ARHGAP8: variants seen among roughly 807,000 people sequenced by gnomAD.
ARHGAP8 encodes the protein rho GTPase-activating protein 8.
Under a neutral mutation model 46.1 loss-of-function variants are expected in ARHGAP8, and 62 were observed. The ratio of observed to expected loss-of-function variants is 1.34; its 90% CI spans 1.10 to 1.66. The LOEUF (loss-of-function observed/expected upper bound fraction) is 1.66. Ranked by LOEUF, ARHGAP8 falls within the 40% of genes most tolerant of loss-of-function variation. ARHGAP8 has a pLI of 0.00. For missense variants in ARHGAP8, 923 were observed against 568.4 expected (o/e 1.62, Z -6.34); for synonymous variants, 375 against 243.1 (o/e 1.54, Z -5.05).
chr22:44,816,931 G>T (rs1380976968), intron 5 of ARHGAP8, among the ~76,000 whole-genome samples: 2 of 146,612 alleles, frequency 1.4e-5, no homozygotes, highest in African/African-American at 5.2e-5. Context: ...TGTCCCCCAG[G>T]CTGGAGTGCA....
chr22:44,818,199 A>G (rs111911737), intron 5 of ARHGAP8, among the ~76,000 whole-genome samples: 10 of 152,284 alleles, frequency 6.6e-5, no homozygotes, highest in African/African-American at 2.2e-4. Flanking sequence ...CTGTAATCCC[A>G]GCACTTTGGG....
At chr22:44,766,539 TGTGTCTGCATGTGGGCATGC>T (rs1473987783) in intron 1 of ARHGAP8, among the ~76,000 whole-genome samples, 23 of 152,230 alleles carry the variant, frequency 1.5e-4, no homozygotes, top group African/African-American at 5.3e-4. Flanking sequence ...TGTAGGCATG[TGTGTCTGCATGTGGGCATGC>T]GTGTCTGGGT....
intron 2 of ARHGAP8, among the ~76,000 whole-genome samples, chr22:44,789,940 C>A (rs981656025): frequency 2.0e-5 from 3 of 152,202 alleles, no homozygotes; most frequent in Non-Finnish European, 2.9e-5. Flanking sequence ...TCCTTTCAGT[C>A]TGTCTCAGTC....
At chr22:44,833,739 T>A (rs1357472536) in intron 7 of ARHGAP8, among the ~76,000 whole-genome samples, 1 of 152,198 alleles carries the variant, frequency 6.6e-6, no homozygotes, top group Non-Finnish European at 1.5e-5. Context: ...TTAGAGTTAA[T>A]TTGTTAAACA....
intron 1 of ARHGAP8, among the ~76,000 whole-genome samples, chr22:44,760,958 G>C (rs1196223640): frequency 6.6e-6 from 1 of 152,214 alleles, no homozygotes; most frequent in African/African-American, 2.4e-5. Flanking sequence ...CTCACATGCA[G>C]GGCGAGGCAG....
chr22:44,762,871 G>A (rs1391800696), intron 1 of ARHGAP8, among the ~76,000 whole-genome samples: 1 of 152,082 alleles, frequency 6.6e-6, no homozygotes, highest in African/African-American at 2.4e-5. Context: ...CCGTACCTGA[G>A]TTTGTACTGT....
At chr22:44,845,476 TC>T in intron 8 of ARHGAP8, 134 bp downstream of exon 8, 1 of 1,227,488 alleles carries the variant, frequency 8.1e-7, no homozygotes, top group Non-Finnish European at 1.1e-6. Context: ...GCACAGTGGC[TC>T]CAGGTCTGGG....
chr22:44,803,065 GGATA>G (rs1364677399), intron 3 of ARHGAP8, among the ~76,000 whole-genome samples: 1 of 152,148 alleles, frequency 6.6e-6, no homozygotes, highest in East Asian at 1.9e-4. Context: ...GTGAGACTTT[GGATA>G]GATAGTCACT....
intron 3 of ARHGAP8, among the ~76,000 whole-genome samples, chr22:44,804,091 A>C (rs569362883): frequency 8.0e-5 from 12 of 150,748 alleles, no homozygotes; most frequent in Non-Finnish European, 1.6e-4. Context: ...CCCTCCCTCC[A>C]TCACCCTCCT....
chr22:44,837,680 C>T (rs1399183436), intron 7 of ARHGAP8, among the ~76,000 whole-genome samples: 1 of 152,192 alleles, frequency 6.6e-6, no homozygotes, highest in Admixed American at 6.5e-5. Context: ...ACAAGCCTCT[C>T]TCTCCGAGCC....
chr22:44,757,805 ATTT>A (rs132444), intron 1 of ARHGAP8, among the ~76,000 whole-genome samples: 51,320 of 136,834 alleles, frequency 0.38, 9,235 homozygotes, highest in East Asian at 0.43. Flanking sequence ...TGCCTGGCTA[ATTT>A]TTTTTTTTTT....
chr22:44,787,658 A>G (rs1402544692), intron 2 of ARHGAP8, among the ~76,000 whole-genome samples: 1 of 152,034 alleles, frequency 6.6e-6, no homozygotes, highest in Non-Finnish European at 1.5e-5. Context: ...CATTGCTTTA[A>G]TTTAGGTCTG....
At chr22:44,781,611 G>C (rs8142664) in intron 1 of ARHGAP8, among the ~76,000 whole-genome samples, 132,995 of 151,992 alleles carry the variant, frequency 0.88, 58,283 homozygotes, top group Non-Finnish European at 0.89. Context: ...GCAGCCTCCG[G>C]CTCCCAGGTT....
intron 1 of ARHGAP8, among the ~76,000 whole-genome samples, chr22:44,752,950 C>T (rs1602128927): frequency 6.6e-6 from 1 of 152,056 alleles, no homozygotes; most frequent in African/African-American, 2.4e-5. Context: ...CTCTCTCAGC[C>T]TGCGTTTTGG....
At chr22:44,827,404 G>A (rs972937848) in intron 7 of ARHGAP8, among the ~76,000 whole-genome samples, 1 of 138,562 alleles carries the variant, frequency 7.2e-6, no homozygotes, top group Non-Finnish European at 1.5e-5. Flanking sequence ...GTGCGGTGGT[G>A]TGAGCTCAGC....
chr22:44,789,253 T>C (rs1927489976), intron 2 of ARHGAP8, among the ~76,000 whole-genome samples: 1 of 151,056 alleles, frequency 6.6e-6, no homozygotes, highest in Non-Finnish European at 1.5e-5. Flanking sequence ...TGGTTTCAAG[T>C]GATTCTCCTG....
intron 8 of ARHGAP8, 64 bp from the exon 9 acceptor site, chr22:44,847,909 T>C: frequency 6.3e-7 from 1 of 1,593,568 alleles, no homozygotes; most frequent in Non-Finnish European, 8.5e-7. Flanking sequence ...GGGAGTGTCA[T>C]ATAATGTCCT....
chr22:44,822,645 CAG>C (rs1930239829), intron 6 of ARHGAP8, among the ~76,000 whole-genome samples, 176 bp downstream of exon 6: 1 of 152,192 alleles, frequency 6.6e-6, no homozygotes, highest in Non-Finnish European at 1.5e-5. Flanking sequence ...ACTGCTGACT[CAG>C]AGAAATGAAA....
chr22:44,763,959 C>G (rs1417679017), intron 1 of ARHGAP8, among the ~76,000 whole-genome samples: 1 of 151,832 alleles, frequency 6.6e-6, no homozygotes, highest in African/African-American at 2.4e-5. Flanking sequence ...TACAGGTGCC[C>G]GCCACCACGC....
Sources: allele counts gnomAD v4.1 joint callset (sites outside exome capture counted in the v4.1 genomes callset), GRCh38; gene constraint gnomAD v4.1.1; transcripts MANE v1.5; gene names NCBI Gene and HGNC (gene_info 2026-07-23, HGNC 2026-07-21).